Variants in PIWIL1 observed in about 807,000 individuals in gnomAD.
PIWIL1 encodes piwi like RNA-mediated gene silencing 1.
Under a neutral mutation model 114.4 loss-of-function variants are expected in PIWIL1, and 73 were observed. The observed-to-expected ratio is 0.64, with a 90% confidence interval of 0.53 to 0.78. The LOEUF is 0.78. PIWIL1 is among the 30% of genes least tolerant of loss of function. The probability of loss-of-function intolerance (pLI) is 0.00; values close to 1 mark genes in which losing one functional copy is unlikely to be tolerated. For missense variants in PIWIL1, 723 were observed against 1,063.1 expected, an observed-to-expected ratio of 0.68 and a Z score of 4.45; for synonymous variants, 375 against 369.0, an observed-to-expected ratio of 1.02 and a Z score of -0.19.
At chr12:130,347,849 G>A (rs1374711231) in intron 6 of PIWIL1, among the ~76,000 whole-genome samples, 5 of 152,202 alleles carry the variant, frequency 3.3e-5, no homozygotes, top group Non-Finnish European at 7.3e-5. Flanking sequence ...CTGTGTGCCA[G>A]TAGAACTATT....
At position 130,361,663 on chromosome 12, in the gene PIWIL1, A is replaced by G. The variant is rs946054755; in HGVS notation, c.1970+62A>G. ...ACATAAAGCAGGGTTCTGGAGGTTC[A>G]GGAGTAGTGTTCATTCTTCGTTGTT... On this transcript the variant is annotated intron_variant, in intron 16 of 20. Coordinates refer to ENST00000245255, the MANE Select transcript of PIWIL1 (RefSeq NM_004764.5). 4 of 1,266,012 alleles carry G rather than the reference A, an allele frequency of 3.2e-6. No homozygotes were observed. In the South Asian group the frequency reaches 4.9e-5, roughly 16 times the overall value. The allele number at this position is 1,266,012 out of a possible 1,614,324, so 78.4% of individuals were successfully genotyped here. A position where few individuals can be genotyped will look rare whatever the true frequency, so the allele number is the denominator to read the frequency against.
At chr12:130,348,000 T>C (rs908896176) in intron 6 of PIWIL1, 103 bp from the exon 7 acceptor site, 1 of 690,534 alleles carries the variant, frequency 1.4e-6, no homozygotes, top group East Asian at 2.8e-5. Flanking sequence ...TTGGCCTGGC[T>C]ACAGACCACA....
chr12:130,361,043 T>C, intron 14 of PIWIL1, 137 bp from the exon 15 acceptor site: 1 of 690,384 alleles, frequency 1.4e-6, no homozygotes, highest in Non-Finnish European at 2.5e-6. Flanking sequence ...ATTAGCTGTG[T>C]GGCTGAAATG....
the PIWIL1 span, among the ~76,000 whole-genome samples, chr12:130,418,428 C>T: frequency 2.0e-5 from 3 of 152,302 alleles, no homozygotes; most frequent in South Asian, 2.1e-4. Context: ...CCTGCTCACA[C>T]CCAGGGATGA....
intron 9 of PIWIL1, among the ~76,000 whole-genome samples, chr12:130,350,453 C>T (rs2073182768): frequency 6.6e-6 from 1 of 152,210 alleles, no homozygotes; most frequent in Non-Finnish European, 1.5e-5. Flanking sequence ...CTTGTTAGCA[C>T]AGGCTAGATC....
chr12:130,390,111 A>ATCAGCACTGTGATTAGTATT, the PIWIL1 span, among the ~76,000 whole-genome samples: 3 of 152,230 alleles, frequency 2.0e-5, no homozygotes, highest in Non-Finnish European at 2.9e-5. Context: ...GTTCAATCTA[A>ATCAGCACTGTGATTAGTATT]TCAGCACTGT....
In PIWIL1 at chr12:130,346,947, G is replaced by A. The variant is rs781755780; in HGVS notation, c.538G>A (p.Glu180Lys). 6.2e-7 allele frequency: 1 copy of A among 1,611,994 alleles called. No homozygotes were observed. Among genetic ancestry groups the A allele is most frequent in the South Asian group, 1.1e-5 (1 of 90,154 alleles). ...LPKRLQQKVT[E>K]VFSKTRNGED... ...TCCACCTCTCTGGCTTCAGGTTACT[G>A]AAGTTTTTAGTAAGACCCGGAATGG... Residue 180 changes from glutamate (E) to lysine (K), a missense_variant, in exon 6 of 21, where the codon GAA becomes AAA. Around this residue, in one of 8 missense-constraint regions of PIWIL1, gnomAD observed 190 missense variants for 294.4 expected, o/e 0.65. Transcript: ENST00000245255.
chr12:130,362,285 C>T (rs192576398), intron 16 of PIWIL1, among the ~76,000 whole-genome samples: 59 of 152,278 alleles, frequency 3.9e-4, no homozygotes, highest in African/African-American at 1.3e-3. Flanking sequence ...CATGAGTTCT[C>T]ATCATTTAGC....
chr12:130,376,678 C>T (rs1427349972), downstream of PIWIL1, among the ~76,000 whole-genome samples: 2 of 152,220 alleles, frequency 1.3e-5, no homozygotes, highest in Admixed American at 6.5e-5. Context: ...TGAAGTTTAT[C>T]AGCTTCACTT....
the PIWIL1 span, among the ~76,000 whole-genome samples, chr12:130,393,204 C>T: frequency 3.7e-3 from 449 of 121,128 alleles, 22 homozygotes; most frequent in East Asian, 0.078. Flanking sequence ...TGTGATGACC[C>T]GGTCACCGTC....
the PIWIL1 span, chr12:130,424,632 C>T: frequency 1.1e-5 from 14 of 1,231,768 alleles, no homozygotes; most frequent in East Asian, 9.5e-5. This position sits in a 1 kb window ranked among gnomAD's most constrained non-coding sequence, Gnocchi z 9.8. Context: ...CCAGGAGCCC[C>T]GAGGGGCCTC....
At chr12:130,414,035 T>C in the PIWIL1 span, 1 of 1,379,336 alleles carries the variant, frequency 7.2e-7, no homozygotes, top group Non-Finnish European at 1.0e-6. Flanking sequence ...AGGCCATCTC[T>C]AAGTCGATAC....
At chr12:130,408,227 A>G in the PIWIL1 span, among the ~76,000 whole-genome samples, 1 of 152,146 alleles carries the variant, frequency 6.6e-6, no homozygotes, top group Non-Finnish European at 1.5e-5. Context: ...AAGGCCCCAT[A>G]GACACAGTTT....
chr12:130,412,584 T>A, the PIWIL1 span: 1 of 1,589,438 alleles, frequency 6.3e-7, no homozygotes, highest in Non-Finnish European at 8.6e-7. Flanking sequence ...TGGGATAAAA[T>A]GCACAGGGAA....
the PIWIL1 span, chr12:130,424,306 GGTC>G: frequency 8.1e-7 from 1 of 1,231,784 alleles, no homozygotes; most frequent in Non-Finnish European, 1.0e-6. This position sits in a 1 kb window ranked among gnomAD's most constrained non-coding sequence, Gnocchi z 9.8. Context: ...CCGGGCTGGG[GGTC>G]GTCGTTCCTG....
the PIWIL1 span, among the ~76,000 whole-genome samples, chr12:130,401,108 G>T: frequency 2.8e-4 from 43 of 151,906 alleles, no homozygotes; most frequent in Admixed American, 1.5e-3. Context: ...ACTTAAAAAT[G>T]ATTTTATATC....
intron 18 of PIWIL1, among the ~76,000 whole-genome samples, chr12:130,363,389 A>C (rs2136183138): frequency 1.3e-5 from 2 of 152,262 alleles, no homozygotes; most frequent in East Asian, 3.9e-4. Context: ...ATTACCAATC[A>C]TTGATCAGCT....
chr12:130,367,113 C>A lies in PIWIL1; in HGVS notation c.2196-20C>A, dbSNP rs750361539. 1 of 1,612,656 alleles carries A rather than the reference C, an allele frequency of 6.2e-7. No individual in the cohort carries two copies. The highest frequency in any genetic ancestry group is 8.5e-7 in the Non-Finnish European group (1 of 1,179,244). ...AAATATGACTGGCTAAATGCAGTTA[C>A]ATTCATCATCATTTTTAAGCCCTAG... On this transcript the variant is annotated intron_variant, in intron 18 of 20. Transcript: ENST00000245255.
At chr12:130,375,531 C>T (rs566483937), downstream of PIWIL1, among the ~76,000 whole-genome samples, 31 of 152,302 alleles carry the variant, frequency 2.0e-4, no homozygotes, top group Admixed American at 2.6e-4. Flanking sequence ...GCGGCACGCA[C>T]GGTCTGTGCA....
Sources: allele counts gnomAD v4.1 joint callset (sites outside exome capture counted in the v4.1 genomes callset), GRCh38; gene constraint gnomAD v4.1.1; regional missense constraint gnomAD v4.1.1; non-coding constraint Gnocchi (gnomAD v3.1); transcripts MANE v1.5; gene names NCBI Gene and HGNC (gene_info 2026-07-23, HGNC 2026-07-21).